The following EFHC2 variants were observed in gnomAD, a reference collection of about 807,000 sequenced individuals.
EFHC2 encodes EF-hand domain-containing family member C2.
In EFHC2, 18 loss-of-function variants were observed where a neutral mutation model predicts 52.7. That is an observed-to-expected ratio of 0.34 (90% CI 0.24 to 0.51). The LOEUF is 0.51. EFHC2 is among the 20% of genes least tolerant of loss of function. The probability of loss-of-function intolerance (pLI) is 0.97; values close to 1 mark genes in which losing one functional copy is unlikely to be tolerated. For synonymous variants in EFHC2, 203 were observed against 204.1 expected (o/e 0.99, Z 0.04); for missense variants, 513 against 562.5 (o/e 0.91, Z 0.89).
chrX:44,219,268 G>C (rs1389115352), intron 11 of EFHC2, among the ~76,000 whole-genome samples: 1 of 110,503 alleles, frequency 9.0e-6, no homozygotes, highest in Non-Finnish European at 1.9e-5. Flanking sequence ...CTGGAGTGAT[G>C]GTAATGTTCT....
At chrX:44,149,524 A>AT (rs1463004266) in intron 14 of EFHC2, among the ~76,000 whole-genome samples, 1 of 111,180 alleles carries the variant, frequency 9.0e-6, no homozygotes, top group African/African-American at 3.3e-5. Context: ...TTATTTTATT[A>AT]TTTTTTTTAA....
At chrX:44,264,603 T>C (rs1296302019) in intron 3 of EFHC2, among the ~76,000 whole-genome samples, 1 of 112,432 alleles carries the variant, frequency 8.9e-6, no homozygotes, top group African/African-American at 3.2e-5. Flanking sequence ...ACACTAACAG[T>C]AAAGTTTTGA....
chrX:44,313,859 A>G (rs1473140755), intron 1 of EFHC2, among the ~76,000 whole-genome samples: 2 of 111,006 alleles, frequency 1.8e-5, no homozygotes, highest in African/African-American at 6.6e-5. Flanking sequence ...GGAGGCTGAA[A>G]CAGGAGAATC....
intron 1 of EFHC2, among the ~76,000 whole-genome samples, chrX:44,335,898 C>T (rs2038113473): frequency 9.6e-6 from 1 of 103,838 alleles, no homozygotes; most frequent in South Asian, 4.1e-4. Flanking sequence ...TGTATCCAGA[C>T]TATATTAAAA....
chrX:44,309,857 C>T, intron 2 of EFHC2: 2 of 1,176,315 alleles, frequency 1.7e-6, no homozygotes, highest in Non-Finnish European at 2.3e-6. Context: ...AAGGCCCAAT[C>T]TGCCTTCTTC....
At chrX:44,322,208 T>C (rs754812251) in intron 1 of EFHC2, among the ~76,000 whole-genome samples, 4 of 112,013 alleles carry the variant, frequency 3.6e-5, no homozygotes, top group African/African-American at 6.5e-5. Flanking sequence ...TCATTCATTC[T>C]ATACCCATAA....
At chrX:44,297,264 C>T (rs964605357) in intron 2 of EFHC2, among the ~76,000 whole-genome samples, 8 of 111,385 alleles carry the variant, frequency 7.2e-5, no homozygotes, top group Non-Finnish European at 1.9e-5. Flanking sequence ...TTCTACTATA[C>T]CAAAGAGCCT....
intron 5 of EFHC2, among the ~76,000 whole-genome samples, chrX:44,249,315 C>A (rs977088617): frequency 7.2e-5 from 8 of 111,215 alleles, no homozygotes; most frequent in Non-Finnish European, 1.5e-4. Context: ...ATTATGGTAA[C>A]CTTTTCATGT....
At chrX:44,282,740 GT>G (rs1398122290) in intron 2 of EFHC2, among the ~76,000 whole-genome samples, 1 of 99,448 alleles carries the variant, frequency 1.0e-5, no homozygotes. Flanking sequence ...TCATAACTAT[GT>G]TTTTTAAAAC....
At chrX:44,313,978 G>A (rs1208532997) in intron 1 of EFHC2, among the ~76,000 whole-genome samples, 1 of 110,784 alleles carries the variant, frequency 9.0e-6, no homozygotes, top group Non-Finnish European at 1.9e-5. Context: ...AAACAAAATA[G>A]ACAAATCTCA....
At chrX:44,306,263 C>T (rs2037904625) in intron 2 of EFHC2, among the ~76,000 whole-genome samples, 1 of 111,570 alleles carries the variant, frequency 9.0e-6, no homozygotes, top group South Asian at 3.8e-4. Flanking sequence ...CTGCAAAAAC[C>T]TGGTGCTTTG....
chrX:44,315,275 C>T (rs2037976414), intron 1 of EFHC2, among the ~76,000 whole-genome samples: 1 of 110,534 alleles, frequency 9.0e-6, no homozygotes, highest in African/African-American at 3.3e-5. Context: ...TCTTGTACAG[C>T]CTGCAGAACC....
chrX:44,299,918 G>A (rs1344901466), intron 2 of EFHC2, among the ~76,000 whole-genome samples: 1 of 111,194 alleles, frequency 9.0e-6, no homozygotes, highest in Non-Finnish European at 1.9e-5. Flanking sequence ...TACTATTTTT[G>A]TGACTTTTTG....
intron 13 of EFHC2, among the ~76,000 whole-genome samples, chrX:44,167,146 A>C (rs1288910431): frequency 9.0e-6 from 1 of 111,360 alleles, no homozygotes; most frequent in Non-Finnish European, 1.9e-5. Flanking sequence ...CTCACTTGAA[A>C]ACTCTCTCTG....
chrX:44,243,469 CT>C (rs1471931190), intron 7 of EFHC2, among the ~76,000 whole-genome samples: 1 of 112,111 alleles, frequency 8.9e-6, no homozygotes, highest in East Asian at 2.8e-4. Flanking sequence ...CCAAGATAAC[CT>C]AACTCTTAAT....
At chrX:44,217,226 T>C (rs1395976975) in intron 11 of EFHC2, among the ~76,000 whole-genome samples, 2 of 110,761 alleles carry the variant, frequency 1.8e-5, no homozygotes, top group African/African-American at 3.3e-5. Flanking sequence ...CAATAACAAA[T>C]GCTGGAGAGG....
At position 44,340,427 on chromosome X, in the gene EFHC2, G is replaced by A. The variant is rs994917612; in HGVS notation, c.42+3120C>T. 1.4e-4 allele frequency among the ~76,000 whole-genome samples: 16 copies of A among 110,783 alleles called. 1 individual carries two copies. The highest frequency in any genetic ancestry group is 2.9e-4 in the Admixed American group (3 of 10,430). On this transcript the variant is annotated intron_variant, in intron 1 of 14. Coordinates refer to ENST00000420999, the MANE Select transcript of EFHC2 (RefSeq NM_025184.4). ...AGCACTTTGGGAGGCTGAGGCGGGCGGATCGCCTGAAGTCAGGAGTTCAAG... is the reference window on the plus strand; with the variant it reads ...AGCACTTTGGGAGGCTGAGGCGGGCAGATCGCCTGAAGTCAGGAGTTCAAG...
At chrX:44,338,442 G>A (rs1270335659) in intron 1 of EFHC2, among the ~76,000 whole-genome samples, 4 of 110,071 alleles carry the variant, frequency 3.6e-5, no homozygotes, top group South Asian at 3.9e-4. Context: ...TTGAGGCTGC[G>A]TGCAGTGAAC....
chrX:44,303,588 T>C (rs755053707), intron 2 of EFHC2, among the ~76,000 whole-genome samples: 5 of 109,379 alleles, frequency 4.6e-5, no homozygotes, highest in Non-Finnish European at 7.6e-5. Context: ...TTAGGGTATG[T>C]TTTTTCCCTT....
Sources: allele counts gnomAD v4.1 joint callset (sites outside exome capture counted in the v4.1 genomes callset), GRCh38; gene constraint gnomAD v4.1.1; transcripts MANE v1.5; gene names NCBI Gene and HGNC (gene_info 2026-07-23, HGNC 2026-07-21).